MTCL3: variants seen among roughly 807,000 people sequenced by gnomAD.
MTCL3 encodes the protein microtubule cross-linking factor 3.
At chr6:127,485,768 T>A in the MTCL3 span, among the ~76,000 whole-genome samples, 1 of 152,244 alleles carries the variant, frequency 6.6e-6, no homozygotes, top group South Asian at 2.1e-4. Flanking sequence ...ATAAAAAGGA[T>A]GCAATTAGCA....
chr6:127,482,329 C>G, the MTCL3 span, among the ~76,000 whole-genome samples: 13 of 152,202 alleles, frequency 8.5e-5, no homozygotes, highest in African/African-American at 2.7e-4. The surrounding 1 kb of genome is among the most constrained non-coding windows in gnomAD (Gnocchi z 4.1). Flanking sequence ...TCATTACAAC[C>G]ATTGGCACCT....
At chr6:127,481,477 C>CCAGAG in the MTCL3 span, 1 of 984,840 alleles carries the variant, frequency 1.0e-6, no homozygotes, top group Non-Finnish European at 1.2e-6. Flanking sequence ...GGTGCAAGTA[C>CCAGAG]CAGGAGAAAA....
chr6:127,502,766 A>G, the MTCL3 span, among the ~76,000 whole-genome samples: 1 of 152,174 alleles, frequency 6.6e-6, no homozygotes, highest in Non-Finnish European at 1.5e-5. Context: ...ACCTTCACAT[A>G]TGTTATCTCA....
the MTCL3 span, among the ~76,000 whole-genome samples, chr6:127,495,496 C>T: frequency 6.6e-6 from 1 of 152,074 alleles, no homozygotes; most frequent in South Asian, 2.1e-4. Flanking sequence ...CAACCAGCTT[C>T]GAACTCATTA....
the MTCL3 span, among the ~76,000 whole-genome samples, chr6:127,473,608 T>C: frequency 6.6e-6 from 1 of 152,146 alleles, no homozygotes; most frequent in East Asian, 1.9e-4. Flanking sequence ...CGAATACATA[T>C]CAAAATTCAA....
At chr6:127,513,191 T>A in the MTCL3 span, 2 of 740,266 alleles carry the variant, frequency 2.7e-6, no homozygotes, top group African/African-American at 3.5e-5. Context: ...AAAGTATACA[T>A]ATAAGCCATT....
chr6:127,479,286 T>C, the MTCL3 span, among the ~76,000 whole-genome samples: 1 of 152,224 alleles, frequency 6.6e-6, no homozygotes, highest in East Asian at 1.9e-4. Context: ...CAGAGGTCAC[T>C]CTCGTTGCCA....
At chr6:127,490,424 T>C in the MTCL3 span, among the ~76,000 whole-genome samples, 1 of 152,074 alleles carries the variant, frequency 6.6e-6, no homozygotes, top group African/African-American at 2.4e-5. Context: ...AAATGTACTT[T>C]ATAAGGCTAT....
At chr6:127,498,470 G>A in the MTCL3 span, among the ~76,000 whole-genome samples, 95 of 152,254 alleles carry the variant, frequency 6.2e-4, no homozygotes, top group African/African-American at 2.1e-3. Flanking sequence ...ATCCTCATCC[G>A]TTGCTGGTGG....
chr6:127,490,311 T>C, the MTCL3 span, among the ~76,000 whole-genome samples: 10 of 152,198 alleles, frequency 6.6e-5, no homozygotes, highest in African/African-American at 2.4e-4. Context: ...CTGATGGAGA[T>C]GTGCAAGGAG....
chr6:127,488,429 C>T, the MTCL3 span, among the ~76,000 whole-genome samples: 2 of 152,326 alleles, frequency 1.3e-5, no homozygotes, highest in Non-Finnish European at 1.5e-5. Context: ...GTGAGCTCCA[C>T]AAGAGCAGGC....
At chr6:127,474,818 A>G in the MTCL3 span, among the ~76,000 whole-genome samples, 1 of 152,100 alleles carries the variant, frequency 6.6e-6, no homozygotes, top group South Asian at 2.1e-4. Context: ...AGCTCAAGCA[A>G]TCCACCCTCC....
the MTCL3 span, among the ~76,000 whole-genome samples, chr6:127,474,185 C>G: frequency 1.3e-5 from 2 of 151,210 alleles, no homozygotes; most frequent in African/African-American, 2.4e-5. Context: ...TCATTTGTTC[C>G]TTTCCAGGGG....
At chr6:127,517,237 C>T in the MTCL3 span, among the ~76,000 whole-genome samples, 2 of 152,192 alleles carry the variant, frequency 1.3e-5, no homozygotes, top group Admixed American at 1.3e-4. Context: ...GGATAAATGA[C>T]ACTTTCCCCA....
At chr6:127,498,740 T>G in the MTCL3 span, among the ~76,000 whole-genome samples, 1 of 152,004 alleles carries the variant, frequency 6.6e-6, no homozygotes, top group Non-Finnish European at 1.5e-5. Context: ...TATTTGGAAA[T>G]AAAAAGAAAT....
the MTCL3 span, chr6:127,516,113 C>G: frequency 1.4e-6 from 2 of 1,468,212 alleles, no homozygotes; most frequent in African/African-American, 2.9e-5. Context: ...CCGCCCCCTC[C>G]TCCCCCTTCT....
chr6:127,515,372 A>C, the MTCL3 span: 9 of 791,810 alleles, frequency 1.1e-5, no homozygotes, highest in South Asian at 2.1e-5. This position sits in a 1 kb window ranked among gnomAD's most constrained non-coding sequence, Gnocchi z 4.3. Context: ...AGGCCTAGGA[A>C]ACCCCCTCCC....
At chr6:127,488,906 C>A in the MTCL3 span, among the ~76,000 whole-genome samples, 1 of 152,140 alleles carries the variant, frequency 6.6e-6, no homozygotes, top group Admixed American at 6.5e-5. Context: ...ATTCACATAA[C>A]ATTTACATTG....
the MTCL3 span, among the ~76,000 whole-genome samples, chr6:127,514,554 C>G: frequency 2.0e-5 from 3 of 152,360 alleles, no homozygotes; most frequent in East Asian, 3.9e-4. Flanking sequence ...GAGCCTTCTT[C>G]TCATCACCTC....
Sources: allele counts gnomAD v4.1 joint callset (sites outside exome capture counted in the v4.1 genomes callset), GRCh38; gene constraint gnomAD v4.1.1; non-coding constraint Gnocchi (gnomAD v3.1); transcripts MANE v1.5; gene names NCBI Gene and HGNC (gene_info 2026-07-23, HGNC 2026-07-21).